Variants in CHD9 observed in about 807,000 individuals in gnomAD.
The protein encoded by CHD9 is ATP-dependent chromatin remodeler CHD9.
Under a neutral mutation model 316.1 loss-of-function variants are expected in CHD9, and 77 were observed. That is an observed-to-expected ratio of 0.24 (90% CI 0.20 to 0.29). CHD9 has a LOEUF of 0.29. Among genes scored for constraint, CHD9 ranks in the 10% least tolerant of loss-of-function variants. The pLI is 1.00. For synonymous variants in CHD9, 1,129 were observed against 1,158.3 expected, an observed-to-expected ratio of 0.97 and a Z score of 0.51; for missense variants, 2,763 against 3,438.1, an observed-to-expected ratio of 0.80 and a Z score of 4.91.
intron 1 of CHD9, among the ~76,000 whole-genome samples, chr16:53,075,354 G>A (rs1044826658): frequency 2.6e-5 from 4 of 152,206 alleles, no homozygotes; most frequent in Admixed American, 2.6e-4. Flanking sequence ...GCTGAAATGA[G>A]TTAAGACTTT....
intron 36 of CHD9, among the ~76,000 whole-genome samples, chr16:53,317,174 A>C (rs1417687205): frequency 6.6e-6 from 1 of 151,636 alleles, no homozygotes; most frequent in African/African-American, 2.4e-5. Flanking sequence ...AAAAAAAAAA[A>C]AAAAAAAGAA....
chr16:53,063,400 A>G (rs1198575941), intron 1 of CHD9, among the ~76,000 whole-genome samples: 1 of 150,190 alleles, frequency 6.7e-6, no homozygotes, highest in Non-Finnish European at 1.5e-5. Flanking sequence ...ACACACACAC[A>G]CAAAATGTGA....
intron 1 of CHD9, among the ~76,000 whole-genome samples, chr16:53,135,764 GTGT>G (rs1222828760): frequency 2.6e-5 from 4 of 152,142 alleles, no homozygotes; most frequent in African/African-American, 9.7e-5. Flanking sequence ...TATTCATATT[GTGT>G]TATTTGAGAG....
chr16:53,146,789 A>C (rs1292088466), intron 1 of CHD9, among the ~76,000 whole-genome samples: 1 of 137,662 alleles, frequency 7.3e-6, no homozygotes, highest in East Asian at 2.1e-4. Context: ...ACAGAGTGAG[A>C]CGGTCTCAAA....
chr16:53,129,498 C>A (rs1055500425), intron 1 of CHD9, among the ~76,000 whole-genome samples: 3 of 152,218 alleles, frequency 2.0e-5, no homozygotes, highest in African/African-American at 7.2e-5. Flanking sequence ...TAGAGTTATG[C>A]TGATCCACTC....
chr16:53,161,257 G>C (rs1029703263), intron 2 of CHD9, among the ~76,000 whole-genome samples: 1 of 152,146 alleles, frequency 6.6e-6, no homozygotes, highest in Non-Finnish European at 1.5e-5. Flanking sequence ...TATATGTACT[G>C]AATTATAGGT....
chr16:53,138,616 C>T (rs935754016), intron 1 of CHD9, among the ~76,000 whole-genome samples: 10 of 152,124 alleles, frequency 6.6e-5, no homozygotes, highest in African/African-American at 2.4e-4. Flanking sequence ...AATGGGGACA[C>T]ATGGACAATT....
At chr16:53,089,010 T>C (rs371608568) in intron 1 of CHD9, among the ~76,000 whole-genome samples, 27 of 151,188 alleles carry the variant, frequency 1.8e-4, no homozygotes, top group East Asian at 7.8e-4. Flanking sequence ...TACTCAGGAG[T>C]CTGTGGCAGA....
chr16:53,315,100 A>G, intron 36 of CHD9, 56 bp downstream of exon 36: 5 of 1,244,074 alleles, frequency 4.0e-6, no homozygotes, highest in Non-Finnish European at 5.7e-6. Context: ...TGTCAGATCT[A>G]TCATGATGAA....
intron 1 of CHD9, among the ~76,000 whole-genome samples, chr16:53,141,873 G>C (rs1209029314): frequency 6.6e-6 from 1 of 152,196 alleles, no homozygotes; most frequent in East Asian, 1.9e-4. Context: ...AAGGCTGGTG[G>C]AAAGGGTGAT....
chr16:53,166,592 A>G (rs1487322897), intron 2 of CHD9, among the ~76,000 whole-genome samples: 2 of 152,190 alleles, frequency 1.3e-5, no homozygotes, highest in Non-Finnish European at 2.9e-5. Flanking sequence ...TGATTGTAAC[A>G]TTAATACAAA....
At chr16:53,081,872 T>TGAATGAATGAAC (rs1555479490) in intron 1 of CHD9, among the ~76,000 whole-genome samples, 2 of 151,870 alleles carry the variant, frequency 1.3e-5, no homozygotes, top group African/African-American at 4.9e-5. Context: ...AATGAATGAA[T>TGAATGAATGAAC]AAACCAATAA....
At chr16:53,225,781 G>C (rs114968613) in intron 4 of CHD9, among the ~76,000 whole-genome samples, 2,503 of 151,860 alleles carry the variant, frequency 0.016, 82 homozygotes, top group African/African-American at 0.057. Context: ...TTTATATTAT[G>C]TTATTCTGCT....
intron 24 of CHD9, among the ~76,000 whole-genome samples, chr16:53,285,071 C>G (rs1314867817): frequency 6.6e-6 from 1 of 152,144 alleles, no homozygotes; most frequent in Non-Finnish European, 1.5e-5. Flanking sequence ...TTGGCCTACA[C>G]TTGAGTGTTT....
At chr16:53,226,627 A>G in intron 5 of CHD9, 115 bp downstream of exon 5, 1 of 1,119,266 alleles carries the variant, frequency 8.9e-7, no homozygotes, top group African/African-American at 1.6e-5. Flanking sequence ...CGGATTCCAT[A>G]TTATTAGTTA....
chr16:53,180,735 C>T (rs1240775631), intron 2 of CHD9, among the ~76,000 whole-genome samples: 1 of 151,874 alleles, frequency 6.6e-6, no homozygotes, highest in Non-Finnish European at 1.5e-5. Context: ...TGCAGTGGCG[C>T]GATCTCGGCC....
In CHD9 at chr16:53,227,530, C is replaced by T. The variant is rs753108001; in HGVS notation, c.2113-18C>T. On this transcript the variant is annotated intron_variant, in intron 6 of 38. Coordinates refer to ENST00000447540, the MANE Select transcript of CHD9 (RefSeq NM_001308319.2). ...GGCCTGTTTAAAAGAGTCACCATTA[C>T]TGATTTTCTTTTCTTAGATATCACC... is the stretch of plus-strand genomic sequence containing the variant. The T allele has an allele frequency of 2.0e-6, 3 of 1,476,270 alleles. No individual in the cohort carries two copies. Among genetic ancestry groups the T allele is most frequent in the South Asian group, 2.6e-5 (2 of 76,022 alleles). 91.4% of individuals were successfully genotyped at this position (1,476,270 alleles called of 1,614,324 possible). A position where few individuals can be genotyped will look rare whatever the true frequency, so the allele number is the denominator to read the frequency against.
intron 24 of CHD9, among the ~76,000 whole-genome samples, chr16:53,278,779 CAG>C (rs2053121825): frequency 6.6e-6 from 1 of 152,108 alleles, no homozygotes; most frequent in African/African-American, 2.4e-5. Flanking sequence ...CACTGGCCAT[CAG>C]AGAAATGCAA....
At chr16:53,081,730 G>C (rs1400480399) in intron 1 of CHD9, among the ~76,000 whole-genome samples, 1 of 151,358 alleles carries the variant, frequency 6.6e-6, no homozygotes, top group East Asian at 1.9e-4. Flanking sequence ...TGGGACTACA[G>C]GTGCATGCCA....
Sources: allele counts gnomAD v4.1 joint callset (sites outside exome capture counted in the v4.1 genomes callset), GRCh38; gene constraint gnomAD v4.1.1; transcripts MANE v1.5; gene names NCBI Gene and HGNC (gene_info 2026-07-23, HGNC 2026-07-21).